The following DIAPH1 variants were observed in gnomAD, a reference collection of about 807,000 sequenced individuals.
DIAPH1 encodes protein diaphanous homolog 1.
In DIAPH1, 46 loss-of-function variants were observed where a neutral mutation model predicts 140.7. The observed-to-expected ratio is 0.33, with a 90% CI of 0.26 to 0.42. DIAPH1 has a LOEUF of 0.42. DIAPH1 is among the 10% of genes least tolerant of loss of function. DIAPH1 has a pLI of 1.00. For missense variants in DIAPH1, 1,310 were observed against 1,558.7 expected, an observed-to-expected ratio of 0.84 and a Z score of 2.69; for synonymous variants, 565 against 551.6, an observed-to-expected ratio of 1.02 and a Z score of -0.34.
chr5:141,548,560 G>C (rs1056323306), intron 18 of DIAPH1, among the ~76,000 whole-genome samples: 3 of 152,148 alleles, frequency 2.0e-5, no homozygotes, highest in Admixed American at 6.5e-5. Flanking sequence ...CATGACACCA[G>C]TAACTCAAAA....
intron 18 of DIAPH1, among the ~76,000 whole-genome samples, chr5:141,551,830 G>A (rs553924315): frequency 6.6e-6 from 1 of 152,124 alleles, no homozygotes; most frequent in East Asian, 1.9e-4. Flanking sequence ...AACACTTCAC[G>A]TAACTGAAGA....
At chr5:141,581,233 T>C (rs966951561) in intron 7 of DIAPH1, among the ~76,000 whole-genome samples, 3 of 151,994 alleles carry the variant, frequency 2.0e-5, no homozygotes, top group African/African-American at 7.3e-5. Context: ...GTGCCAAGGA[T>C]TGCCAACAAG....
Position 141,588,253 on chromosome 5 carries a change from A to G in DIAPH1, c.118-3T>C. ...TCTGCCATGAGCCGCTTCAGAGTCTAGGAAACAGGAAAAAGGAGGGAGAAG... is the reference window on the plus strand; with the variant it reads ...TCTGCCATGAGCCGCTTCAGAGTCTGGGAAACAGGAAAAAGGAGGGAGAAG... On this transcript the variant is annotated splice_polypyrimidine_tract_variant and splice_region_variant and intron_variant, in intron 1 of 27. Coordinates refer to ENST00000389054, the MANE Select transcript of DIAPH1 (RefSeq NM_005219.5). 2.5e-6 allele frequency: 4 copies of G among 1,611,052 alleles called. No homozygotes were observed. The highest frequency in any genetic ancestry group is 3.4e-6 in the Non-Finnish European group (4 of 1,177,344).
chr5:141,558,491 G>A (rs2099892998), intron 18 of DIAPH1: 1 of 152,160 alleles, frequency 6.6e-6, no homozygotes. Context: ...ACTGCAGGTG[G>A]GAGTAAGTGG....
At chr5:141,539,218 A>G (rs1378417231) in intron 18 of DIAPH1, among the ~76,000 whole-genome samples, 2 of 152,004 alleles carry the variant, frequency 1.3e-5, no homozygotes, top group African/African-American at 2.4e-5. Flanking sequence ...CGGAGGTTGC[A>G]GTGAGTGGAG....
intron 18 of DIAPH1, among the ~76,000 whole-genome samples, chr5:141,537,252 G>C (rs2099889164): frequency 6.6e-6 from 1 of 152,024 alleles, no homozygotes; most frequent in African/African-American, 2.4e-5. Flanking sequence ...GGGAGGCTGA[G>C]GCGGGCGGAT....
chr5:141,595,090 T>C (rs2099899111), intron 1 of DIAPH1, among the ~76,000 whole-genome samples: 4 of 151,110 alleles, frequency 2.6e-5, no homozygotes, highest in Admixed American at 2.0e-4. Context: ...ATATTATATG[T>C]ACCCAACTAT....
intron 27 of DIAPH1, among the ~76,000 whole-genome samples, chr5:141,519,167 C>T (rs1054898437): frequency 9.9e-5 from 15 of 152,160 alleles, no homozygotes; most frequent in Non-Finnish European, 1.5e-4. Flanking sequence ...AAGGAGCCTA[C>T]GTGAGTGTGA....
At chr5:141,579,313 C>T (rs762011629) in intron 8 of DIAPH1, 117 bp from the exon 9 acceptor site, 268 of 835,080 alleles carry the variant, frequency 3.2e-4, no homozygotes, top group Middle Eastern at 1.5e-3. Flanking sequence ...ATCAGTGTTC[C>T]GGATTTCTCA....
chr5:141,553,511 G>A (rs2099892073), intron 18 of DIAPH1, among the ~76,000 whole-genome samples: 1 of 151,308 alleles, frequency 6.6e-6, no homozygotes, highest in Non-Finnish European at 1.5e-5. Flanking sequence ...CGTGGTGGTG[G>A]GCGCCTATGT....
At chr5:141,522,576 G>C (rs2099886709) in intron 27 of DIAPH1, among the ~76,000 whole-genome samples, 1 of 113,258 alleles carries the variant, frequency 8.8e-6, no homozygotes, top group Non-Finnish European at 1.9e-5. Flanking sequence ...AGCCGACGGG[G>C]TCAAAAAAAA....
chr5:141,528,547 C>A lies in DIAPH1; in HGVS notation c.3054G>T (p.Thr1018=). The change falls in exon 23 of 28, where the codon ACG becomes ACT. Residue 1018 remains threonine (T), a synonymous_variant. Coordinates refer to ENST00000389054, the MANE Select transcript of DIAPH1 (RefSeq NM_005219.5). ...ACAACTCAGCCAAGAAGTGTAACAA[C>A]GTCATCTTCTGATCTGTGGACTTGG... is the stretch of plus-strand genomic sequence containing the variant. The part of the protein sequence containing the change: ...RDTKSTDQKM[T]LLHFLAELCE... 1 of 1,614,184 alleles carries A rather than the reference C, an allele frequency of 6.2e-7. No homozygotes were observed. Among genetic ancestry groups the A allele is most frequent in the East Asian group, 2.2e-5 (1 of 44,876 alleles).
chr5:141,576,217 C>T lies in DIAPH1; in HGVS notation c.1461+13G>A. 2 of 1,596,796 alleles carry T rather than the reference C, an allele frequency of 1.3e-6. No homozygotes were observed. The highest frequency in any genetic ancestry group is 1.7e-6 in the Non-Finnish European group (2 of 1,164,264). ...ATATACTCAAACACATGTCTTTGGT[C>T]TCTCATATGCACCTTCTTTTCCAGC... On this transcript the variant is annotated intron_variant, in intron 14 of 27. Transcript: ENST00000389054.
chr5:141,541,578 G>A (rs1213481810), intron 18 of DIAPH1, among the ~76,000 whole-genome samples: 23 of 151,464 alleles, frequency 1.5e-4, no homozygotes, highest in Admixed American at 1.3e-3. Flanking sequence ...CCAGGTACTC[G>A]GGAGGCTGAG....
chr5:141,584,101 T>C (rs2099897184), intron 4 of DIAPH1, 23 bp downstream of exon 4: 2 of 1,492,112 alleles, frequency 1.3e-6, no homozygotes, highest in East Asian at 2.3e-5. Flanking sequence ...TCCCATGTCA[T>C]GGGTACCTGT....
intron 18 of DIAPH1, among the ~76,000 whole-genome samples, chr5:141,566,605 AT>A (rs1596372652): frequency 6.6e-6 from 1 of 152,214 alleles, no homozygotes; most frequent in South Asian, 2.1e-4. Context: ...AAGAAAAACA[AT>A]CACATGGGCT....
At chr5:141,526,629 A>C (rs1343033841) in intron 24 of DIAPH1, among the ~76,000 whole-genome samples, 168 bp from the exon 25 acceptor site, 2 of 152,262 alleles carry the variant, frequency 1.3e-5, no homozygotes, top group Non-Finnish European at 2.9e-5. Context: ...ATAGGGGAAT[A>C]GTAAACCATG....
At chr5:141,545,752 G>A (rs184401685) in intron 18 of DIAPH1, among the ~76,000 whole-genome samples, 23 of 152,264 alleles carry the variant, frequency 1.5e-4, no homozygotes, top group Admixed American at 1.4e-3. Flanking sequence ...TAGGCTTTGT[G>A]GACCATATAT....
intron 18 of DIAPH1, among the ~76,000 whole-genome samples, chr5:141,543,955 A>G (rs1053885791): frequency 6.6e-6 from 1 of 152,228 alleles, no homozygotes; most frequent in African/African-American, 2.4e-5. Flanking sequence ...CATCTAGAAG[A>G]GAACAGGGGA....
Sources: gnomAD v4.1 joint callset for allele counts (sites outside exome capture counted in the v4.1 genomes callset) on GRCh38, gnomAD v4.1.1 for gene constraint, MANE v1.5 for transcripts, NCBI Gene and HGNC (gene_info 2026-07-23, HGNC 2026-07-21) for gene names.